PRKCA: variants seen among roughly 807,000 people sequenced by gnomAD.
The protein encoded by PRKCA is protein kinase C alpha type.
Under a neutral mutation model 87.0 loss-of-function variants are expected in PRKCA, and 27 were observed. The observed-to-expected ratio is 0.31, with a 90% CI of 0.23 to 0.43. PRKCA has a LOEUF of 0.43. Among genes scored for constraint, PRKCA ranks in the 20% least tolerant of loss-of-function variants. The pLI, the probability that PRKCA is intolerant of heterozygous loss-of-function variation, is 1.00. For synonymous variants in PRKCA, 329 were observed against 311.1 expected (o/e 1.06, Z -0.61); for missense variants, 518 against 852.3 (o/e 0.61, Z 4.88).
intron 2 of PRKCA, among the ~76,000 whole-genome samples, chr17:66,422,833 G>A (rs889830486): frequency 2.0e-5 from 3 of 152,144 alleles, no homozygotes; most frequent in African/African-American, 2.4e-5. Context: ...ATTGCAGGCC[G>A]GGCATGGTGG....
At chr17:66,407,996 A>G (rs956622670) in intron 2 of PRKCA, among the ~76,000 whole-genome samples, 7 of 152,204 alleles carry the variant, frequency 4.6e-5, no homozygotes, top group African/African-American at 1.7e-4. Flanking sequence ...GGATTTGAGC[A>G]TTTATGTAAT....
intron 8 of PRKCA, among the ~76,000 whole-genome samples, chr17:66,711,052 TAAATA>T (rs1423510092): frequency 7.9e-5 from 12 of 151,388 alleles, no homozygotes; most frequent in African/African-American, 2.2e-4. Flanking sequence ...CAAAAATAAA[TAAATA>T]AAATAAATAA....
rs1371588208 is a variant in PRKCA at position 66,539,005 on chromosome 17, TCTC to T, written c.288+42725_288+42727del. Among the ~76,000 whole-genome samples, 35 of 152,302 alleles carry T rather than the reference TCTC, an allele frequency of 2.3e-4. 1 individual carries two copies. ...CAGACTTTTATCAGCAGTCTGTACT[TCTC>T]CTTTTATCTTCGGAACTGTGATGAA... is the stretch of plus-strand genomic sequence containing the variant. On this transcript the variant is annotated intron_variant, in intron 3 of 16. Transcript: ENST00000413366.
intron 15 of PRKCA, among the ~76,000 whole-genome samples, chr17:66,788,509 T>A (rs1975454711): frequency 6.6e-6 from 1 of 152,124 alleles, no homozygotes; most frequent in South Asian, 2.1e-4. Context: ...CTTTTTTTTT[T>A]ATTACTAGAT....
At chr17:66,523,699 C>T (rs923288142) in intron 3 of PRKCA, among the ~76,000 whole-genome samples, 2 of 152,192 alleles carry the variant, frequency 1.3e-5, no homozygotes, top group African/African-American at 2.4e-5. Context: ...TGGTGAGTTC[C>T]GGCAGGAGGA....
At chr17:66,328,908 C>T (rs2143267934) in intron 2 of PRKCA, among the ~76,000 whole-genome samples, 1 of 152,302 alleles carries the variant, frequency 6.6e-6, no homozygotes, top group East Asian at 1.9e-4. Context: ...CCTTGCAGGT[C>T]TTAGTCCATT....
rs558663192 is a variant in PRKCA, at chr17:66,365,530, T to C, written c.205+59403T>C. Among the ~76,000 whole-genome samples, 108 of 152,338 alleles carry C rather than the reference T, an allele frequency of 7.1e-4. 1 individual carries two copies. In the South Asian group the frequency reaches 0.022, roughly 31 times the overall value. ...CTAAATGGCTTCCCTTTACTGATGA[T>C]TTTACTCTGCCTTTATCCTATAGTT... On this transcript the variant is annotated intron_variant, in intron 2 of 16. Coordinates refer to ENST00000413366, the MANE Select transcript of PRKCA (RefSeq NM_002737.3).
intron 2 of PRKCA, among the ~76,000 whole-genome samples, chr17:66,335,853 G>T (rs1906631913): frequency 6.6e-6 from 1 of 152,032 alleles, no homozygotes; most frequent in African/African-American, 2.4e-5. Flanking sequence ...AAATTCCTAG[G>T]GGTGAGATTA....
intron 3 of PRKCA, among the ~76,000 whole-genome samples, chr17:66,544,185 C>T (rs1443067765): frequency 1.3e-5 from 2 of 152,156 alleles, no homozygotes; most frequent in African/African-American, 4.8e-5. Flanking sequence ...GATCAGACCA[C>T]TGCACTGCAG....
intron 14 of PRKCA, among the ~76,000 whole-genome samples, chr17:66,782,007 G>A (rs1443340254): frequency 1.3e-5 from 2 of 151,582 alleles, no homozygotes; most frequent in African/African-American, 2.4e-5. Flanking sequence ...TCTGCCTCCC[G>A]GGTTCAAGCA....
intron 13 of PRKCA, among the ~76,000 whole-genome samples, chr17:66,744,666 G>A (rs1354277188): frequency 6.6e-6 from 1 of 152,138 alleles, no homozygotes; most frequent in Admixed American, 6.5e-5. Flanking sequence ...TATCATTCAC[G>A]GTATGAGTTC....
At chr17:66,796,900 C>T (rs992908214) in intron 16 of PRKCA, 16 of 985,374 alleles carry the variant, frequency 1.6e-5, no homozygotes, top group Middle Eastern at 5.2e-4. Context: ...GGGTAGCTCC[C>T]ACCTCGTTAG....
intron 5 of PRKCA, among the ~76,000 whole-genome samples, chr17:66,667,138 C>T (rs1469927363): frequency 6.6e-6 from 1 of 152,198 alleles, no homozygotes; most frequent in Non-Finnish European, 1.5e-5. Flanking sequence ...CTTCCCCCAC[C>T]TCTGCCACCT....
chr17:66,314,677 A>G (rs964326536), intron 2 of PRKCA, among the ~76,000 whole-genome samples: 5 of 152,206 alleles, frequency 3.3e-5, no homozygotes, highest in Non-Finnish European at 5.9e-5. Context: ...AATATGAGAC[A>G]TGAGTTTAGC....
intron 8 of PRKCA, among the ~76,000 whole-genome samples, chr17:66,692,612 A>G (rs1184394382): frequency 6.6e-6 from 1 of 152,102 alleles, no homozygotes; most frequent in Non-Finnish European, 1.5e-5. Flanking sequence ...ATCAGGTCCA[A>G]TTTGAGGCAC....
At chr17:66,527,250 T>C (rs1210074557) in intron 3 of PRKCA, among the ~76,000 whole-genome samples, 1 of 152,110 alleles carries the variant, frequency 6.6e-6, no homozygotes, top group Non-Finnish European at 1.5e-5. Context: ...TTTCCTACTG[T>C]GCTTTGCATT....
Position 66,302,772 on chromosome 17 carries a change from C to T in PRKCA, c.-80C>T. On this transcript the variant is annotated 5_prime_UTR_variant, in exon 1 of 17. Coordinates refer to ENST00000413366, the MANE Select transcript of PRKCA (RefSeq NM_002737.3). ...GCCCGGGGTCGCCCCGAGCCCGCAC[C>T]TCTCCCCCGCCGCCCCCGCCCACCC... is the stretch of plus-strand genomic sequence containing the variant. The T allele has an allele frequency of 1.5e-6, 2 of 1,322,776 alleles. No individual in the cohort carries two copies. The highest frequency in any genetic ancestry group is 2.0e-6 in the Non-Finnish European group (2 of 1,015,704). The allele number at this position is 1,322,776 out of a possible 1,614,324, so 81.9% of individuals were successfully genotyped here.
chr17:66,484,635 A>G (rs1915922119), intron 2 of PRKCA, among the ~76,000 whole-genome samples: 1 of 152,208 alleles, frequency 6.6e-6, no homozygotes, highest in African/African-American at 2.4e-5. Flanking sequence ...AATCTAACTA[A>G]TGTATTTATG....
At chr17:66,530,078 A>G (rs978062621) in intron 3 of PRKCA, among the ~76,000 whole-genome samples, 7 of 151,968 alleles carry the variant, frequency 4.6e-5, no homozygotes, top group African/African-American at 1.7e-4. Flanking sequence ...TGGAAAATGG[A>G]TGATATTTGG....
Sources: allele counts gnomAD v4.1 joint callset (sites outside exome capture counted in the v4.1 genomes callset), GRCh38; gene constraint gnomAD v4.1.1; transcripts MANE v1.5; gene names NCBI Gene and HGNC (gene_info 2026-07-23, HGNC 2026-07-21).